Variants in EYA1 observed in about 807,000 individuals in gnomAD.
EYA1 encodes the protein protein phosphatase EYA1.
In EYA1, 16 loss-of-function variants were observed where a neutral mutation model predicts 82.0. The ratio of observed to expected loss-of-function variants is 0.20; its 90% CI spans 0.13 to 0.30. EYA1 has a LOEUF of 0.30. Ranked by LOEUF, EYA1 falls within the 10% of genes least tolerant of loss-of-function variation. The pLI is 1.00. For missense variants in EYA1, 633 were observed against 730.7 expected, an observed-to-expected ratio of 0.87 and a Z score of 1.54; for synonymous variants, 261 against 264.4, an observed-to-expected ratio of 0.99 and a Z score of 0.12.
chr8:71,239,924 G>C (rs1430223267), intron 12 of EYA1, among the ~76,000 whole-genome samples: 2 of 152,186 alleles, frequency 1.3e-5, no homozygotes, highest in African/African-American at 2.4e-5. Context: ...AGCACAAACA[G>C]TATGTCAGTA....
intron 2 of EYA1, among the ~76,000 whole-genome samples, chr8:71,443,682 C>T (rs1447318063): frequency 6.6e-6 from 1 of 152,160 alleles, no homozygotes; most frequent in Non-Finnish European, 1.5e-5. Flanking sequence ...CTCTCACACC[C>T]ACTCCCCATA....
chr8:71,460,549 CA>C (rs1808286804), intron 2 of EYA1, among the ~76,000 whole-genome samples: 1 of 152,182 alleles, frequency 6.6e-6, no homozygotes, highest in African/African-American at 2.4e-5. Context: ...GAAACTAATT[CA>C]ACCCAAAGCA....
chr8:71,455,246 A>C (rs564763797), intron 2 of EYA1, among the ~76,000 whole-genome samples: 21 of 152,334 alleles, frequency 1.4e-4, no homozygotes, highest in African/African-American at 5.0e-4. Flanking sequence ...AGAGGTTCTT[A>C]AATTGAGGCA....
chr8:71,411,942 C>T lies in EYA1; in HGVS notation c.34-55431G>A, dbSNP rs575299626. On this transcript the variant is annotated intron_variant, in intron 2 of 18. Transcript: ENST00000643681. ...GACACATGCACACGTATGTTTATTG[C>T]AGCATTATTCACAATAGCAAAGACT... 5.7e-3 allele frequency among the ~76,000 whole-genome samples: 867 copies of T among 150,832 alleles called. 9 individuals are homozygous for T. Among genetic ancestry groups the T allele is most frequent in the African/African-American group, 0.02 (804 of 41,026 alleles).
intron 1 of EYA1, among the ~76,000 whole-genome samples, chr8:71,540,804 C>T (rs1478690245): frequency 6.6e-6 from 1 of 152,030 alleles, no homozygotes; most frequent in East Asian, 1.9e-4. Flanking sequence ...GCCTTCTCAC[C>T]AAGTGTTGAG....
At chr8:71,340,388 T>C (rs1824983798) in intron 3 of EYA1, among the ~76,000 whole-genome samples, 1 of 152,216 alleles carries the variant, frequency 6.6e-6, no homozygotes, top group Non-Finnish European at 1.5e-5. Flanking sequence ...TGTGTGGCAC[T>C]ATTATCCCCA....
chr8:71,255,379 G>T (rs976954924), intron 11 of EYA1, among the ~76,000 whole-genome samples: 4 of 152,138 alleles, frequency 2.6e-5, no homozygotes, highest in African/African-American at 9.7e-5. Flanking sequence ...AAACAATGTG[G>T]TTCTGGCAAA....
At chr8:71,439,567 A>G (rs1192843400) in intron 2 of EYA1, among the ~76,000 whole-genome samples, 1 of 152,124 alleles carries the variant, frequency 6.6e-6, no homozygotes, top group African/African-American at 2.4e-5. Flanking sequence ...TTCAGTAAAC[A>G]CTCATTGGGC....
At position 71,216,775 on chromosome 8, in the gene EYA1, C is replaced by G. The variant is rs1181243766; in HGVS notation, c.1277G>C (p.Gly426Ala). The G allele has an allele frequency of 6.2e-7, 1 of 1,614,124 alleles. No homozygotes were observed. The highest frequency in any genetic ancestry group is 8.5e-7 in the Non-Finnish European group (1 of 1,179,992). ...ANLCLATGVR[G>A]GVDWMRKLAF... ...CAACTTTCTCATCCAGTCCACACCG[C>G]CCCGTACACCAGTTGCCAAACATAA... The change falls in exon 14 of 18, where the codon GGC becomes GCC. Residue 426 changes from glycine (G) to alanine (A), a missense_variant. Physicochemically the swap from Gly to Ala is moderately conservative, Grantham distance 60. Coordinates refer to ENST00000340726, the MANE Select transcript of EYA1 (RefSeq NM_000503.6).
At chr8:71,205,088 G>A (rs1230319785) in intron 17 of EYA1, among the ~76,000 whole-genome samples, 1 of 151,980 alleles carries the variant, frequency 6.6e-6, no homozygotes, top group Non-Finnish European at 1.5e-5. Flanking sequence ...CTTGAAATTG[G>A]GCATTATTAA....
chr8:71,311,489 C>T (rs903661944), intron 7 of EYA1, among the ~76,000 whole-genome samples: 9 of 152,192 alleles, frequency 5.9e-5, no homozygotes, highest in African/African-American at 2.2e-4. Context: ...GGTCTCCAGG[C>T]ACACTCTGTC....
chr8:71,327,405 T>C (rs1395798452), intron 4 of EYA1, among the ~76,000 whole-genome samples: 1 of 152,214 alleles, frequency 6.6e-6, no homozygotes, highest in African/African-American at 2.4e-5. Context: ...CAACTAGCAG[T>C]TTACTTAACA....
intron 10 of EYA1, among the ~76,000 whole-genome samples, chr8:71,271,170 G>A (rs932081157): frequency 2.0e-5 from 3 of 152,140 alleles, no homozygotes; most frequent in Non-Finnish European, 1.5e-5. Flanking sequence ...TGGATACTAG[G>A]TGTATATAAT....
chr8:71,492,074 C>T (rs1811039338), intron 2 of EYA1, among the ~76,000 whole-genome samples: 1 of 152,100 alleles, frequency 6.6e-6, no homozygotes, highest in South Asian at 2.1e-4. Context: ...AAATGGGTCT[C>T]AGGTTAGGTG....
intron 2 of EYA1, among the ~76,000 whole-genome samples, chr8:71,448,009 CTT>C (rs548078514): frequency 1.8e-4 from 13 of 70,798 alleles, no homozygotes; most frequent in African/African-American, 4.4e-4. Flanking sequence ...TGTTTAAGAG[CTT>C]TTTTTTTTTT....
At chr8:71,349,478 A>G (rs1826092206) in intron 3 of EYA1, among the ~76,000 whole-genome samples, 1 of 152,234 alleles carries the variant, frequency 6.6e-6, no homozygotes, top group South Asian at 2.1e-4. Context: ...TAATTCAAGT[A>G]CCCACTCAGA....
At chr8:71,541,804 T>A (rs1173494320) in intron 1 of EYA1, among the ~76,000 whole-genome samples, 1 of 152,216 alleles carries the variant, frequency 6.6e-6, no homozygotes, top group Admixed American at 6.5e-5. Flanking sequence ...ACTAGGGTGA[T>A]ATATTGATTC....
At chr8:71,513,487 G>A (rs1214798641) in intron 2 of EYA1, among the ~76,000 whole-genome samples, 2 of 152,028 alleles carry the variant, frequency 1.3e-5, no homozygotes, top group African/African-American at 4.8e-5. Flanking sequence ...GTATATAGTA[G>A]ATGTAAATAT....
intron 2 of EYA1, among the ~76,000 whole-genome samples, chr8:71,487,530 G>A (rs1387808595): frequency 6.6e-6 from 1 of 152,074 alleles, no homozygotes; most frequent in Admixed American, 6.6e-5. Context: ...AATATTATAT[G>A]CAACCCTCTT....
Sources: gnomAD v4.1 joint callset for allele counts (sites outside exome capture counted in the v4.1 genomes callset) on GRCh38, gnomAD v4.1.1 for gene constraint, MANE v1.5 for transcripts, NCBI Gene and HGNC (gene_info 2026-07-23, HGNC 2026-07-21) for gene names.